The following CRIM1 variants were observed in gnomAD, a reference collection of about 807,000 sequenced individuals.
The protein encoded by CRIM1 is cysteine rich transmembrane BMP regulator 1, also known as cysteine-rich motor neuron 1 protein.
CRIM1 carries 32 observed loss-of-function variants against 116.4 expected under a neutral mutation model. The ratio of observed to expected loss-of-function variants is 0.27; its 90% CI spans 0.21 to 0.37. The LOEUF (loss-of-function observed/expected upper bound fraction) is 0.37, where lower values mean the gene tolerates loss of function less well. CRIM1 is among the 10% of genes least tolerant of loss of function. CRIM1 has a pLI of 1.00. For missense variants in CRIM1, 1,331 were observed against 1,354.8 expected (o/e 0.98, Z 0.28); for synonymous variants, 590 against 509.2 (o/e 1.16, Z -2.13).
chr2:36,544,351 T>G (rs762480599), intron 14 of CRIM1, 25 bp from the exon 15 acceptor site: 2 of 1,332,260 alleles, frequency 1.5e-6, no homozygotes, highest in Middle Eastern at 2.0e-4. Flanking sequence ...CATCATCTCT[T>G]AGGAAAAATG....
At chr2:36,458,804 ATATT>A (rs1405634789) in intron 4 of CRIM1, among the ~76,000 whole-genome samples, 2 of 152,164 alleles carry the variant, frequency 1.3e-5, no homozygotes, top group Admixed American at 6.5e-5. Flanking sequence ...AAAGGATTTT[ATATT>A]TAGAGAAGAG....
At chr2:36,436,340 G>A (rs1359551963) in intron 2 of CRIM1, among the ~76,000 whole-genome samples, 1 of 152,152 alleles carries the variant, frequency 6.6e-6, no homozygotes, top group African/African-American at 2.4e-5. Flanking sequence ...GTGAATAGAG[G>A]GTTGAAAGAA....
chr2:36,409,100 A>G (rs1673025818), intron 2 of CRIM1, among the ~76,000 whole-genome samples: 1 of 152,168 alleles, frequency 6.6e-6, no homozygotes, highest in South Asian at 2.1e-4. Context: ...CTGAATGCAT[A>G]CCATCATACG....
At chr2:36,470,165 AGTTTT>A (rs1205085983) in intron 5 of CRIM1, among the ~76,000 whole-genome samples, 5 of 152,368 alleles carry the variant, frequency 3.3e-5, no homozygotes, top group African/African-American at 1.2e-4. Flanking sequence ...AGAACTCCTG[AGTTTT>A]GAAAACACTA....
chr2:36,479,743 A>C (rs902826539), intron 7 of CRIM1, 49 bp downstream of exon 7: 1 of 1,554,734 alleles, frequency 6.4e-7, no homozygotes, highest in Non-Finnish European at 8.9e-7. Flanking sequence ...CTTCTGTTGG[A>C]GAAGCTTCTA....
intron 4 of CRIM1, among the ~76,000 whole-genome samples, chr2:36,464,047 A>G (rs569132395): frequency 9.9e-5 from 15 of 152,260 alleles, no homozygotes; most frequent in African/African-American, 3.6e-4. Context: ...AAAGCTAATA[A>G]CTTAATCATT....
chr2:36,394,600 TTCTC>T lies in CRIM1; in HGVS notation c.332-2010_332-2007del, dbSNP rs560763114. On this transcript the variant is annotated intron_variant, in intron 1 of 16. Transcript: ENST00000280527. ...ATATTTGTGTGTGTGTGTATGTTGC[TTCTC>T]TCTGTCTATATATATAAAACATATA... Among the ~76,000 whole-genome samples the T allele has an allele frequency of 2.6e-4, 40 of 152,060 alleles. No individual in the cohort carries two copies. The East Asian group carries it at 4.0e-3, about 15-fold the overall frequency.
intron 1 of CRIM1, among the ~76,000 whole-genome samples, chr2:36,371,629 T>A (rs1171477473): frequency 1.3e-5 from 2 of 152,270 alleles, no homozygotes; most frequent in Non-Finnish European, 2.9e-5. Context: ...TTTTTTGTAA[T>A]GTTTCCATGA....
rs1049662953 is a variant in CRIM1 at position 36,358,859 on chromosome 2, G to A, written c.331+2236G>A. ...CAGTGTTACCTGGCATGATATAATG[G>A]TTGGATTTAGACAGATATTTTCAAT... On this transcript the variant is annotated intron_variant, in intron 1 of 16. Coordinates refer to ENST00000280527, the MANE Select transcript of CRIM1 (RefSeq NM_016441.3). Among the ~76,000 whole-genome samples, 4 of 152,014 alleles carry A rather than the reference G, an allele frequency of 2.6e-5. No homozygotes were observed. The South Asian group carries it at 8.3e-4, about 31-fold the overall frequency.
chr2:36,506,945 G>A (rs1025907049), intron 8 of CRIM1, among the ~76,000 whole-genome samples: 14 of 151,688 alleles, frequency 9.2e-5, no homozygotes, highest in Non-Finnish European at 1.8e-4. Context: ...CTGCAGCCTC[G>A]ACCTCCTGGG....
intron 2 of CRIM1, among the ~76,000 whole-genome samples, chr2:36,403,828 G>A (rs1009345922): frequency 2.0e-5 from 3 of 152,096 alleles, no homozygotes; most frequent in Non-Finnish European, 2.9e-5. Context: ...ACTCTGTTTG[G>A]TTATGTTTGA....
chr2:36,379,950 A>G lies in CRIM1; in HGVS notation c.332-16664A>G, dbSNP rs76507431. The stretch of plus-strand genomic sequence containing the variant: ...GTTTATGGGAGGAATGTAGACATTT[A>G]GTTGAAGTACAGTTGATAGACTTTG... On this transcript the variant is annotated intron_variant, in intron 1 of 16. Coordinates refer to ENST00000280527, the MANE Select transcript of CRIM1 (RefSeq NM_016441.3). Among the ~76,000 whole-genome samples, 783 of 150,734 alleles carry G rather than the reference A, an allele frequency of 5.2e-3. 3 individuals carry two copies. The highest frequency in any genetic ancestry group is 0.017 in the African/African-American group (705 of 41,140).
chr2:36,383,167 G>A (rs1339366926), intron 1 of CRIM1, among the ~76,000 whole-genome samples: 1 of 152,172 alleles, frequency 6.6e-6, no homozygotes, highest in Non-Finnish European at 1.5e-5. Context: ...TCTGTAGCAT[G>A]TGGAAAAAGG....
chr2:36,456,275 G>C (rs1558605391), intron 4 of CRIM1, among the ~76,000 whole-genome samples: 1 of 152,154 alleles, frequency 6.6e-6, no homozygotes, highest in Non-Finnish European at 1.5e-5. Context: ...CCGCAATCCA[G>C]CTTAGTACCT....
rs1468169324 is a variant in CRIM1 at position 36,382,793 on chromosome 2, C to T, written c.332-13821C>T. 3.3e-5 allele frequency among the ~76,000 whole-genome samples: 5 copies of T among 152,186 alleles called. No individual in the cohort carries two copies. The East Asian group carries it at 9.6e-4, about 29-fold the overall frequency. ...TGGAAGTTCAAAGCAATGGAATGAA[C>T]AATGGAGAGAACAAGCACATACACA... is the stretch of plus-strand genomic sequence containing the variant. On this transcript the variant is annotated intron_variant, in intron 1 of 16. Transcript: ENST00000280527.
At chr2:36,400,126 T>A (rs1440772483) in intron 2 of CRIM1, among the ~76,000 whole-genome samples, 1 of 151,196 alleles carries the variant, frequency 6.6e-6, no homozygotes, top group Admixed American at 6.6e-5. Flanking sequence ...ATAAGAGAAC[T>A]TTATGGTGAT....
Position 36,491,120 on chromosome 2 carries a change from T to C in CRIM1, c.1373-8099T>C, listed in dbSNP as rs186622792. On this transcript the variant is annotated intron_variant, in intron 7 of 16. Coordinates refer to ENST00000280527, the MANE Select transcript of CRIM1 (RefSeq NM_016441.3). Reference sequence around the variant, plus strand: ...CTTTTTATTTGGCATTATCAAGGAGTAGGGTAGTTCCAGAAGTGAATTCTC... The same window carrying C: ...CTTTTTATTTGGCATTATCAAGGAGCAGGGTAGTTCCAGAAGTGAATTCTC... Among the ~76,000 whole-genome samples the C allele has an allele frequency of 8.7e-4, 133 of 152,230 alleles. 1 individual carries two copies. Among genetic ancestry groups the C allele is most frequent in the Middle Eastern group, 3.4e-3 (1 of 294 alleles).
At chr2:36,539,852 G>T (rs2125174507) in intron 14 of CRIM1, among the ~76,000 whole-genome samples, 1 of 152,144 alleles carries the variant, frequency 6.6e-6, no homozygotes, top group Admixed American at 6.5e-5. Context: ...ATCTAATCTG[G>T]GCTTCAGGAA....
intron 5 of CRIM1, among the ~76,000 whole-genome samples, chr2:36,471,268 G>C (rs1678492188): frequency 6.6e-6 from 1 of 152,142 alleles, no homozygotes; most frequent in Non-Finnish European, 1.5e-5. Context: ...GCAACAGCAG[G>C]GTTTTAGAGG....
Sources: gnomAD v4.1 joint callset for allele counts (sites outside exome capture counted in the v4.1 genomes callset) on GRCh38, gnomAD v4.1.1 for gene constraint, MANE v1.5 for transcripts, NCBI Gene and HGNC (gene_info 2026-07-23, HGNC 2026-07-21) for gene names.